Variants in CELF2 observed in about 807,000 individuals in gnomAD.
CELF2 encodes the protein CUG triplet repeat RNA-binding protein 2.
CELF2 carries 8 observed loss-of-function variants against 62.6 expected under a neutral mutation model. That is an observed-to-expected ratio of 0.13 (90% CI 0.07 to 0.23). The LOEUF is 0.23. CELF2 is among the 10% of genes least tolerant of loss of function. The probability of loss-of-function intolerance (pLI) is 1.00; values close to 1 mark genes in which losing one functional copy is unlikely to be tolerated. For synonymous variants in CELF2, 258 were observed against 250.0 expected (o/e 1.03, Z -0.30); for missense variants, 333 against 671.0 (o/e 0.50, Z 5.56).
At chr10:11,025,517 C>T (rs1367723846) in intron 1 of CELF2, among the ~76,000 whole-genome samples, 2 of 152,074 alleles carry the variant, frequency 1.3e-5, no homozygotes, top group Non-Finnish European at 2.9e-5. Flanking sequence ...CCTGGCTTCC[C>T]CTTCCCTTTC....
At chr10:11,014,195 T>C (rs1318544353), upstream of CELF2, among the ~76,000 whole-genome samples, 2 of 152,204 alleles carry the variant, frequency 1.3e-5, no homozygotes, top group Admixed American at 6.5e-5. Context: ...TCCTGGTTTG[T>C]CATGACGAGC....
At chr10:10,754,852 A>T in the CELF2 span, among the ~76,000 whole-genome samples, 1 of 152,234 alleles carries the variant, frequency 6.6e-6, no homozygotes, top group Non-Finnish European at 1.5e-5. Flanking sequence ...ACTCCTTCTT[A>T]TGATAACACC....
chr10:10,498,409 T>A, the CELF2 span, among the ~76,000 whole-genome samples: 1 of 152,208 alleles, frequency 6.6e-6, no homozygotes, highest in African/African-American at 2.4e-5. Flanking sequence ...TGGTGAAAGT[T>A]GGCCAAGTCT....
At chr10:10,932,796 A>G (rs2066220376) in intron 2 of CELF2, among the ~76,000 whole-genome samples, 1 of 152,172 alleles carries the variant, frequency 6.6e-6, no homozygotes, top group Non-Finnish European at 1.5e-5. Flanking sequence ...TTGAAAGAAT[A>G]TCATTGGAGG....
At chr10:11,059,852 G>A (rs1426971347) in intron 1 of CELF2, among the ~76,000 whole-genome samples, 5 of 152,260 alleles carry the variant, frequency 3.3e-5, no homozygotes, top group African/African-American at 7.2e-5. Flanking sequence ...CCTGAAGGAG[G>A]GAATAGAGCC....
chr10:10,872,186 A>G (rs1322645127), intron 1 of CELF2, among the ~76,000 whole-genome samples: 3 of 152,164 alleles, frequency 2.0e-5, no homozygotes, highest in Admixed American at 6.5e-5. Flanking sequence ...CAAGTACTTA[A>G]TCAGACTCCG....
At position 11,297,311 on chromosome 10, in the gene CELF2, A is replaced by G. The variant is rs2093296048; in HGVS notation, c.976+8759A>G. Among the ~76,000 whole-genome samples, 1 of 152,226 alleles carries G rather than the reference A, an allele frequency of 6.6e-6. No individual in the cohort carries two copies. The highest frequency in any genetic ancestry group is 1.5e-5 in the Non-Finnish European group (1 of 68,038). On this transcript the variant is annotated intron_variant, in intron 9 of 12. Coordinates refer to ENST00000633077, the MANE Select transcript of CELF2 (RefSeq NM_001326342.2). The surrounding 1 kb of genome is among the most constrained non-coding windows in gnomAD (Gnocchi z 4.4). ...CAGGCTGACCAGAGCCGGGAGCTGC[A>G]GAGTGGATTGAGACTGACCTGCAGA...
chr10:10,680,818 T>G, the CELF2 span, among the ~76,000 whole-genome samples: 3 of 152,200 alleles, frequency 2.0e-5, no homozygotes, highest in Non-Finnish European at 4.4e-5. Context: ...TTTAGCAAGG[T>G]TAATTGTTTA....
chr10:11,017,195 G>A (rs1458764551), upstream of CELF2, among the ~76,000 whole-genome samples: 3 of 152,150 alleles, frequency 2.0e-5, no homozygotes, highest in East Asian at 1.9e-4. The surrounding 1 kb of genome is among the most constrained non-coding windows in gnomAD (Gnocchi z 5.5). Context: ...AAGCTTCATG[G>A]CCCTTACATT....
the CELF2 span, among the ~76,000 whole-genome samples, chr10:10,548,756 C>T: frequency 6.6e-6 from 1 of 151,774 alleles, no homozygotes; most frequent in Non-Finnish European, 1.5e-5. Context: ...AATTATTTTT[C>T]GTAAGTATTT....
the CELF2 span, among the ~76,000 whole-genome samples, chr10:10,493,877 A>G: frequency 6.6e-6 from 1 of 152,144 alleles, no homozygotes; most frequent in Non-Finnish European, 1.5e-5. Context: ...CTCTGTGCCC[A>G]TCCCTTTGAG....
chr10:11,174,495 A>T (rs1283981481), intron 2 of CELF2, among the ~76,000 whole-genome samples: 1 of 152,216 alleles, frequency 6.6e-6, no homozygotes, highest in Non-Finnish European at 1.5e-5. Context: ...CATTGGAGAA[A>T]CCCATAAGAT....
At chr10:11,067,513 A>G (rs1391177968) in intron 1 of CELF2, among the ~76,000 whole-genome samples, 2 of 152,234 alleles carry the variant, frequency 1.3e-5, no homozygotes, top group African/African-American at 4.8e-5. Context: ...CGTATATTCT[A>G]CTTTAAATAA....
rs891942365 is a variant in CELF2 at position 11,316,681 on chromosome 10, G to C, written c.1096+2423G>C. 2.0e-5 allele frequency among the ~76,000 whole-genome samples: 3 copies of C among 152,056 alleles called. No homozygotes were observed. Among genetic ancestry groups the C allele is most frequent in the African/African-American group, 7.2e-5 (3 of 41,388 alleles). On this transcript the variant is annotated intron_variant, in intron 10 of 12. Coordinates refer to ENST00000633077, the MANE Select transcript of CELF2 (RefSeq NM_001326342.2). The surrounding 1 kb of genome is among the most constrained non-coding windows in gnomAD (Gnocchi z 4.4). ...AGAGTATTCAGGTTTTCTGAATAGA[G>C]CCAACTCTTACCCACCGACACAGCG... is the stretch of plus-strand genomic sequence containing the variant.
chr10:11,209,567 C>CTT (rs113589265), intron 2 of CELF2, among the ~76,000 whole-genome samples: 7,457 of 134,942 alleles, frequency 0.055, 276 homozygotes, highest in Non-Finnish European at 0.082. Flanking sequence ...AAGGACTACT[C>CTT]TTTTTTTTTT....
At chr10:10,775,620 A>G in the CELF2 span, among the ~76,000 whole-genome samples, 1 of 145,828 alleles carries the variant, frequency 6.9e-6, no homozygotes, top group Non-Finnish European at 1.5e-5. Flanking sequence ...TCTCAAAAAA[A>G]AAAAAATATA....
At chr10:11,299,322 G>A (rs1414330038) in intron 9 of CELF2, among the ~76,000 whole-genome samples, 1 of 152,236 alleles carries the variant, frequency 6.6e-6, no homozygotes, top group Non-Finnish European at 1.5e-5. Flanking sequence ...GCGCCCCAGC[G>A]AGCCTGCAGC....
the CELF2 span, among the ~76,000 whole-genome samples, chr10:10,520,072 T>C: frequency 6.6e-6 from 1 of 152,206 alleles, no homozygotes; most frequent in Non-Finnish European, 1.5e-5. Flanking sequence ...CTACTAAATC[T>C]TGCAATGTAC....
intron 2 of CELF2, chr10:11,171,239 GC>G (rs2133628009): frequency 6.6e-6 from 1 of 152,306 alleles, no homozygotes; most frequent in African/African-American, 2.4e-5. Flanking sequence ...TGTATTCATG[GC>G]TTCTTTGGGA....
Sources: allele counts gnomAD v4.1 joint callset (sites outside exome capture counted in the v4.1 genomes callset), GRCh38; gene constraint gnomAD v4.1.1; non-coding constraint Gnocchi (gnomAD v3.1); transcripts MANE v1.5; gene names NCBI Gene and HGNC (gene_info 2026-07-23, HGNC 2026-07-21).